Variants in TPD52 observed in about 807,000 individuals in gnomAD.
The protein encoded by TPD52 is prostate and colon associated protein.
In TPD52, 17 loss-of-function variants were observed where a neutral mutation model predicts 31.3. The ratio of observed to expected loss-of-function variants is 0.54; its 90% CI spans 0.37 to 0.82. The LOEUF (loss-of-function observed/expected upper bound fraction) is 0.82. Among genes scored for constraint, TPD52 ranks in the 40% least tolerant of loss-of-function variants. The pLI is 0.00. For missense variants in TPD52, 212 were observed against 240.1 expected, an observed-to-expected ratio of 0.88 and a Z score of 0.77; for synonymous variants, 83 against 89.6, an observed-to-expected ratio of 0.93 and a Z score of 0.42.
intron 1 of TPD52, among the ~76,000 whole-genome samples, chr8:80,126,423 TTC>T (rs1363185519): frequency 6.6e-6 from 1 of 151,784 alleles, no homozygotes; most frequent in Non-Finnish European, 1.5e-5. Flanking sequence ...TACGCATCAT[TTC>T]TCTCTGACTG....
Position 80,074,751 on chromosome 8 carries a change from C to T in TPD52, c.20-10158G>A, listed in dbSNP as rs77907220. On this transcript the variant is annotated intron_variant, in intron 1 of 7. Transcript: ENST00000518937. The stretch of plus-strand genomic sequence containing the variant: ...GATGCTGTCTGCCACTGAGTGCCTT[C>T]AGAAGAGAGGGATGCAGCAGCTCAG... 5.1e-3 allele frequency among the ~76,000 whole-genome samples: 770 copies of T among 152,286 alleles called. 5 individuals carry two copies. Among genetic ancestry groups the T allele is most frequent in the African/African-American group, 0.017 (705 of 41,568 alleles).
chr8:80,099,447 T>C (rs1409524837), intron 1 of TPD52, among the ~76,000 whole-genome samples: 2 of 151,498 alleles, frequency 1.3e-5, no homozygotes, highest in African/African-American at 4.8e-5. Flanking sequence ...GGTATTACCA[T>C]CTGCAAAGAA....
At chr8:80,071,220 C>T (rs1200212564) in intron 1 of TPD52, among the ~76,000 whole-genome samples, 1 of 152,150 alleles carries the variant, frequency 6.6e-6, no homozygotes, top group East Asian at 1.9e-4. Context: ...GCTACCGCAG[C>T]CCCAGGAGAA....
intron 4 of TPD52, 111 bp from the exon 5 acceptor site, chr8:80,050,582 T>C: frequency 2.0e-6 from 2 of 1,004,654 alleles, no homozygotes; most frequent in Admixed American, 2.7e-5. Context: ...TCTAAACTGC[T>C]ACACAATTCA....
chr8:80,062,684 C>T (rs1812678790), intron 2 of TPD52, among the ~76,000 whole-genome samples: 1 of 152,098 alleles, frequency 6.6e-6, no homozygotes. Context: ...AAACATGGGC[C>T]AGGAACAGTG....
chr8:80,059,683 G>A (rs57108635), intron 2 of TPD52, among the ~76,000 whole-genome samples: 12,866 of 152,016 alleles, frequency 0.085, 1,473 homozygotes, highest in African/African-American at 0.26. Context: ...CTGAAACCCC[G>A]TCTCTACCAA....
chr8:80,072,315 A>ATATG lies in TPD52; in HGVS notation c.20-7726_20-7723dup, dbSNP rs1554582856. On this transcript the variant is annotated intron_variant, in intron 1 of 7. Coordinates refer to ENST00000518937, the MANE Select transcript of TPD52 (RefSeq NM_001025253.3). ...GAGAGAGACTCCATCTAAAAAACAT[A>ATATG]TATGTGTGTGTGTGTGTGTGTGTGT... 1.4e-3 allele frequency among the ~76,000 whole-genome samples: 102 copies of ATATG among 70,432 alleles called. 3 individuals are homozygous for ATATG. Among genetic ancestry groups the ATATG allele is most frequent in the African/African-American group, 6.4e-3 (101 of 15,868 alleles). 46.2% of individuals were successfully genotyped at this position (70,432 alleles called of 152,430 possible).
chr8:80,060,023 G>A (rs1812343494), intron 2 of TPD52, among the ~76,000 whole-genome samples: 1 of 151,038 alleles, frequency 6.6e-6, no homozygotes, highest in Non-Finnish European at 1.5e-5. Context: ...AGAGGCTGCA[G>A]TGTGCCAAGA....
intron 1 of TPD52, chr8:80,158,291 C>T (rs1811106191): frequency 6.6e-6 from 1 of 151,842 alleles, no homozygotes; most frequent in Admixed American, 6.6e-5. Context: ...ACCCAATTCT[C>T]CTCAACTCCA....
intron 1 of TPD52, among the ~76,000 whole-genome samples, chr8:80,098,104 C>T (rs553093456): frequency 3.9e-5 from 6 of 152,310 alleles, no homozygotes; most frequent in African/African-American, 1.4e-4. Context: ...AGCTACTGCT[C>T]AGATAAAGAT....
chr8:80,158,642 CAAA>C (rs534071979), intron 1 of TPD52: 3 of 144,530 alleles, frequency 2.1e-5, no homozygotes, highest in Non-Finnish European at 3.0e-5. Context: ...AACCCTGTCT[CAAA>C]AAAAAAAAGA....
rs147999887 is a variant in TPD52 at position 80,126,113 on chromosome 8, G to A, written c.19+45312C>T. ...GTCTGTAAAATTCACCTGCATATTT[G>A]ATCTTTGCTTTATTTAATATCTATA... On this transcript the variant is annotated intron_variant, in intron 1 of 7. Coordinates refer to ENST00000518937, the MANE Select transcript of TPD52 (RefSeq NM_001025253.3). Among the ~76,000 whole-genome samples, 706 of 152,254 alleles carry A rather than the reference G, an allele frequency of 4.6e-3. 1 individual carries two copies. Among genetic ancestry groups the A allele is most frequent in the Middle Eastern group, 0.014 (4 of 294 alleles).
intron 1 of TPD52, chr8:80,064,871 G>A (rs758423893): frequency 1.9e-5 from 11 of 578,274 alleles, no homozygotes; most frequent in Non-Finnish European, 6.5e-6. Context: ...AGTTATGGCA[G>A]AAGAGTGAAG....
At chr8:80,151,175 C>T (rs1810543201) in intron 1 of TPD52, among the ~76,000 whole-genome samples, 2 of 152,298 alleles carry the variant, frequency 1.3e-5, no homozygotes, top group Admixed American at 1.3e-4. Flanking sequence ...CTCTCTCTTG[C>T]CTGTCACCAT....
rs57456374 is a variant in TPD52 at position 80,152,780 on chromosome 8, C to CAA, written c.19+18643_19+18644dup. Among the ~76,000 whole-genome samples the CAA allele has an allele frequency of 1.1e-4, 9 of 83,546 alleles. 1 individual carries two copies. The highest frequency in any genetic ancestry group is 3.6e-4 in the East Asian group (1 of 2,772). The allele number at this position is 83,546 out of a possible 152,430, so 54.8% of individuals were successfully genotyped here. A position where few individuals can be genotyped will look rare whatever the true frequency, so the allele number is the denominator to read the frequency against. ...TGGGCGAAAGTGTGAGACTCCGTCT[C>CAA]AAAAAAAAAAAAAAAAAATGCCAGG... On this transcript the variant is annotated intron_variant, in intron 1 of 7. Transcript: ENST00000518937.
chr8:80,032,178 G>C (rs961637791), downstream of TPD52, among the ~76,000 whole-genome samples: 3 of 143,370 alleles, frequency 2.1e-5, no homozygotes, highest in African/African-American at 7.9e-5. Context: ...AAAAAAAAAT[G>C]AGTAAGTTTG....
At chr8:80,072,796 C>CATATATATATATATATATATATAT in intron 1 of TPD52, among the ~76,000 whole-genome samples, 1 of 142,268 alleles carries the variant, frequency 7.0e-6, no homozygotes, top group Admixed American at 6.8e-5. Context: ...CACACACACA[C>CATATATATATATATATATATATAT]ACATATATAT....
At chr8:80,085,996 G>A (rs558219119) in intron 1 of TPD52, among the ~76,000 whole-genome samples, 2 of 151,830 alleles carry the variant, frequency 1.3e-5, no homozygotes, top group South Asian at 4.2e-4. Context: ...TACCTACATA[G>A]TGTTCAGGCT....
At chr8:80,092,942 G>C (rs1019802491) in intron 1 of TPD52, among the ~76,000 whole-genome samples, 17 of 152,156 alleles carry the variant, frequency 1.1e-4, no homozygotes, top group African/African-American at 3.9e-4. Context: ...TACCAAGGAA[G>C]TGTACATTTC....
Sources: allele counts gnomAD v4.1 joint callset (sites outside exome capture counted in the v4.1 genomes callset), GRCh38; gene constraint gnomAD v4.1.1; transcripts MANE v1.5; gene names NCBI Gene and HGNC (gene_info 2026-07-23, HGNC 2026-07-21).